Variants in OR2T2 observed in about 807,000 individuals in gnomAD.
OR2T2 encodes the protein olfactory receptor 2T2.
For synonymous variants in OR2T2, 50 were observed against 162.7 expected (o/e 0.31, Z 5.27); for missense variants, 138 against 409.1 (o/e 0.34, Z 5.72).
chr1:248,449,866 G>C (rs1259945866), intron 2 of OR2T2, among the ~76,000 whole-genome samples: 1 of 130,908 alleles, frequency 7.6e-6, no homozygotes, highest in Non-Finnish European at 1.5e-5. Context: ...TGATGAAGGG[G>C]AACCTAAGTG....
chr1:248,450,170 T>TGG (rs1309175558), intron 2 of OR2T2, among the ~76,000 whole-genome samples: 1 of 147,306 alleles, frequency 6.8e-6, no homozygotes, highest in Non-Finnish European at 1.5e-5. Flanking sequence ...TTCATTGAAA[T>TGG]GGGTGAATTG....
chr1:248,451,841 A>AT (rs1386054960), intron 2 of OR2T2, among the ~76,000 whole-genome samples: 2 of 105,018 alleles, frequency 1.9e-5, no homozygotes, highest in Non-Finnish European at 3.4e-5. Flanking sequence ...ACTTGAGGAA[A>AT]AAACCCAAGT....
chr1:248,451,033 CTTT>C lies in OR2T2; in HGVS notation c.-22-1737_-22-1735del, dbSNP rs1237854975. Among the ~76,000 whole-genome samples, 3 of 13,944 alleles carry C rather than the reference CTTT, an allele frequency of 2.2e-4. No homozygotes were observed. The East Asian group carries it at 3.8e-3, about 18-fold the overall frequency. The allele number at this position is 13,944 out of a possible 152,430, so 9.1% of individuals were successfully genotyped here. A position where few individuals can be genotyped will look rare whatever the true frequency, so the allele number is the denominator to read the frequency against. On this transcript the variant is annotated intron_variant, in intron 2 of 2. Transcript: ENST00000642130. ...TCAGCACAGACCAACACAAAAATTG[CTTT>C]TTTTTCTTTCTCCCTTTGGATGTTT...
At chr1:248,447,499 G>A (rs1558337938) in intron 2 of OR2T2, among the ~76,000 whole-genome samples, 3 of 144,590 alleles carry the variant, frequency 2.1e-5, no homozygotes, top group Non-Finnish European at 3.0e-5. Context: ...AGCTCTCCAC[G>A]GGCTCTTCAG....
intron 1 of OR2T2, among the ~76,000 whole-genome samples, chr1:248,445,887 G>T (rs1337719385): frequency 2.0e-5 from 3 of 149,882 alleles, no homozygotes; most frequent in Non-Finnish European, 4.4e-5. Flanking sequence ...TGAAACGTGG[G>T]AAGCTAAGGG....
At chr1:248,449,833 T>TCTTTTTCTTTTTCTTTTTCTTTTTC (rs1200144216) in intron 2 of OR2T2, among the ~76,000 whole-genome samples, 14 of 132,298 alleles carry the variant, frequency 1.1e-4, no homozygotes, top group African/African-American at 5.2e-4. Flanking sequence ...TTTTTCTTTT[T>TCTTTTTCTTTTTCTTTTTCTTTTTC]TTTTTTTTTT....
At chr1:248,451,804 A>AG (rs201174481) in intron 2 of OR2T2, among the ~76,000 whole-genome samples, 13,147 of 132,094 alleles carry the variant, frequency 0.1, 10 homozygotes, top group East Asian at 0.28. Flanking sequence ...ATAAACATGA[A>AG]GGATCAGTAA....
chr1:248,453,575 A>G, exon 3 of OR2T2: 1 of 1,554,362 alleles, frequency 6.4e-7, no homozygotes. Flanking sequence ...CTTCTACACC[A>G]ACGTGCTGCC....
exon 3 of OR2T2, chr1:248,453,646 C>G (rs767059717): frequency 6.3e-7 from 1 of 1,596,646 alleles, no homozygotes; most frequent in East Asian, 2.3e-5. Flanking sequence ...CCATCCTCAC[C>G]CCCATGCTCA....
In OR2T2 at chr1:248,450,347, C is replaced by T. The variant is rs56066169; in HGVS notation, c.-22-2429C>T. Among the ~76,000 whole-genome samples, 1,279 of 138,548 alleles carry T rather than the reference C, an allele frequency of 9.2e-3. 55 individuals are homozygous for T. The highest frequency in any genetic ancestry group is 0.038 in the African/African-American group (1,209 of 31,474). 90.9% of individuals were successfully genotyped at this position (138,548 alleles called of 152,430 possible). A position where few individuals can be genotyped will look rare whatever the true frequency, so the allele number is the denominator to read the frequency against. On this transcript the variant is annotated intron_variant, in intron 2 of 2. Transcript: ENST00000642130. ...CAACGCTCACACTCACAAGGAACCT[C>T]TTTTTTTTTTTTTAACACGGTCTCG...
chr1:248,447,478 C>T (rs1410318634), intron 2 of OR2T2, among the ~76,000 whole-genome samples: 7 of 142,088 alleles, frequency 4.9e-5, no homozygotes, highest in Non-Finnish European at 9.0e-5. Flanking sequence ...GCACTCCACC[C>T]CACACACCTC....
At chr1:248,446,233 A>AT (rs1441100423) in intron 1 of OR2T2, among the ~76,000 whole-genome samples, 2 of 112,110 alleles carry the variant, frequency 1.8e-5, no homozygotes, top group Admixed American at 8.9e-5. Context: ...GTGCCTTAAG[A>AT]TCTTTTTTTT....
chr1:248,449,974 A>T (rs1323497939), intron 2 of OR2T2, among the ~76,000 whole-genome samples: 1 of 142,946 alleles, frequency 7.0e-6, no homozygotes, highest in Non-Finnish European at 1.5e-5. Context: ...CACACATCGT[A>T]ATGCTAAATA....
At chr1:248,452,498 C>T (rs1662820331) in intron 2 of OR2T2, among the ~76,000 whole-genome samples, 1 of 112,404 alleles carries the variant, frequency 8.9e-6, no homozygotes, top group Non-Finnish European at 1.7e-5. Context: ...AAGTAAAAAT[C>T]AGATTCTAAA....
intron 2 of OR2T2, among the ~76,000 whole-genome samples, chr1:248,447,628 C>G (rs1451549125): frequency 6.6e-6 from 1 of 151,288 alleles, no homozygotes; most frequent in South Asian, 2.1e-4. Context: ...CCTTCAGTCT[C>G]GAGTTTCGGA....
rs139866803 is a variant in OR2T2 at position 248,446,120 on chromosome 1, C to T, written c.-246+451C>T. Among the ~76,000 whole-genome samples, 847 of 144,982 alleles carry T rather than the reference C, an allele frequency of 5.8e-3. 81 individuals are homozygous for T. The highest frequency in any genetic ancestry group is 8.1e-3 in the African/African-American group (289 of 35,804). On this transcript the variant is annotated intron_variant, in intron 1 of 2. Coordinates refer to ENST00000642130, the Ensembl canonical transcript of OR2T2. ...AATGATTAATTGCTCCGTTCATATG[C>T]ATTTAGGTGTGGCTGAAGACTTCAT...
At chr1:248,453,820 A>G (rs1662878468) in exon 3 of OR2T2, 1 of 1,445,514 alleles carries the variant, frequency 6.9e-7, no homozygotes, top group Admixed American at 2.0e-5. Flanking sequence ...GGGAAGGATT[A>G]GCGGGGACTC....
chr1:248,453,429 CTCTA>C lies in OR2T2; in HGVS notation c.636_639del (p.Val214SerfsTer10), dbSNP rs201716034. The C allele has an allele frequency of 1.4e-3, 2,246 of 1,586,442 alleles. 87 individuals carry two copies. The East Asian group carries it at 0.035, about 25-fold the overall frequency. ...TGCTGCGTGCTGATGCTGCTTATCC[CTCTA>C]TCTGTCATCTCTGTCTCCTACACGC... On this transcript the variant is annotated frameshift_variant, in exon 3 of 3. Transcript: ENST00000642130. LOFTEE classifies it low-confidence loss of function (END_TRUNC).
At chr1:248,450,050 G>A (rs1178557160) in intron 2 of OR2T2, among the ~76,000 whole-genome samples, 1 of 149,470 alleles carries the variant, frequency 6.7e-6, no homozygotes, top group Non-Finnish European at 1.5e-5. Flanking sequence ...CTGATGACAT[G>A]TTTTGTCCAT....
Sources: gnomAD v4.1 joint callset for allele counts (sites outside exome capture counted in the v4.1 genomes callset) on GRCh38, gnomAD v4.1.1 for gene constraint, MANE v1.5 for transcripts, NCBI Gene and HGNC (gene_info 2026-07-23, HGNC 2026-07-21) for gene names.